Variants in TMTC2 observed in about 807,000 individuals in gnomAD.
TMTC2 encodes transmembrane O-mannosyltransferase targeting cadherins 2, also known as protein O-mannosyl-transferase TMTC2.
Under a neutral mutation model 82.4 loss-of-function variants are expected in TMTC2, and 43 were observed. That is an observed-to-expected ratio of 0.52 (90% CI 0.41 to 0.67). TMTC2 has a LOEUF of 0.67. Among genes scored for constraint, TMTC2 ranks in the 30% least tolerant of loss-of-function variants. The pLI is 0.00. For missense variants in TMTC2, 919 were observed against 1,012.4 expected (o/e 0.91, Z 1.25); for synonymous variants, 408 against 381.9 (o/e 1.07, Z -0.80).
intron 11 of TMTC2, among the ~76,000 whole-genome samples, chr12:83,107,503 A>G (rs1884449285): frequency 6.6e-6 from 1 of 152,152 alleles, no homozygotes; most frequent in Non-Finnish European, 1.5e-5. Context: ...CCCTCATGGG[A>G]GCCCCACCTT....
At chr12:82,709,792 C>G (rs1446532579) in intron 1 of TMTC2, among the ~76,000 whole-genome samples, 1 of 152,122 alleles carries the variant, frequency 6.6e-6, no homozygotes, top group Non-Finnish European at 1.5e-5. Context: ...AAAGTTCAAT[C>G]CTAATGTTAA....
intron 1 of TMTC2, among the ~76,000 whole-genome samples, chr12:82,741,116 T>C (rs1875384642): frequency 6.6e-6 from 1 of 152,238 alleles, no homozygotes; most frequent in South Asian, 2.1e-4. Flanking sequence ...TCCCTGTGAG[T>C]CTGACACTCA....
chr12:82,783,808 A>G (rs926822119), intron 1 of TMTC2, among the ~76,000 whole-genome samples: 9 of 151,980 alleles, frequency 5.9e-5, no homozygotes, highest in Non-Finnish European at 8.8e-5. Context: ...AGCAACTGGG[A>G]AGGGTGGGGA....
chr12:82,757,895 A>C (rs1371285351), intron 1 of TMTC2, among the ~76,000 whole-genome samples: 2 of 152,172 alleles, frequency 1.3e-5, no homozygotes, highest in Non-Finnish European at 2.9e-5. Context: ...GGCAATTATC[A>C]CCATAGATAA....
At chr12:82,911,899 C>T (rs1874686755) in intron 3 of TMTC2, among the ~76,000 whole-genome samples, 1 of 152,136 alleles carries the variant, frequency 6.6e-6, no homozygotes, top group African/African-American at 2.4e-5. Context: ...TGTGAACCAC[C>T]TCGTCCAGCC....
At chr12:82,730,943 T>C (rs1168358398) in intron 1 of TMTC2, among the ~76,000 whole-genome samples, 1 of 152,204 alleles carries the variant, frequency 6.6e-6, no homozygotes, top group Non-Finnish European at 1.5e-5. Context: ...CATGGAAAAC[T>C]ATTGGATTCA....
At chr12:82,769,906 G>A (rs1877194264) in intron 1 of TMTC2, among the ~76,000 whole-genome samples, 1 of 152,140 alleles carries the variant, frequency 6.6e-6, no homozygotes, top group Non-Finnish European at 1.5e-5. Context: ...CACCATACCC[G>A]GCCAAGACAC....
chr12:83,019,681 C>G (rs1262498412), intron 8 of TMTC2, among the ~76,000 whole-genome samples: 1 of 152,160 alleles, frequency 6.6e-6, no homozygotes, highest in African/African-American at 2.4e-5. Context: ...CTACTCCATC[C>G]ACCTCTTTGC....
At position 82,896,266 on chromosome 12, in the gene TMTC2, G is replaced by C. The variant is rs1873676388; in HGVS notation, c.1103G>C (p.Ser368Thr). The change falls in exon 3 of 12, where the codon AGC becomes ACC. Residue 368 changes from serine to threonine, a missense_variant. Physicochemically the swap from Ser to Thr is moderately conservative, Grantham distance 58. Transcript: ENST00000321196. ...TACCAGAACTCAGAGACTAAGTCCA[G>C]CTTTGCATCCAAAGTAGAAAATGGC... ...VEYQNSETKSSFASKVENGIK... is the reference protein window; with the variant it reads ...VEYQNSETKSTFASKVENGIK... 1 of 1,614,104 alleles carries C rather than the reference G, an allele frequency of 6.2e-7. No homozygotes were observed. Among genetic ancestry groups the C allele is most frequent in the African/African-American group, 1.3e-5 (1 of 75,044 alleles).
intron 1 of TMTC2, among the ~76,000 whole-genome samples, chr12:82,699,016 T>A (rs905902967): frequency 6.6e-6 from 1 of 152,296 alleles, no homozygotes; most frequent in South Asian, 2.1e-4. Flanking sequence ...TTCCTTTTAA[T>A]ATTTTTGGAC....
At chr12:82,728,533 C>T (rs1236778363) in intron 1 of TMTC2, among the ~76,000 whole-genome samples, 2 of 152,090 alleles carry the variant, frequency 1.3e-5, no homozygotes, top group Non-Finnish European at 2.9e-5. Flanking sequence ...CCAGCCGGGC[C>T]AACATGGTGA....
intron 1 of TMTC2, among the ~76,000 whole-genome samples, chr12:82,743,740 G>A (rs964102613): frequency 6.6e-6 from 1 of 152,064 alleles, no homozygotes; most frequent in African/African-American, 2.4e-5. Context: ...TGCAAGCCCT[G>A]TTTAACAAAT....
rs1885367494 is a variant in TMTC2 at position 83,134,327 on chromosome 12, A to C, written c.*1938A>C. On this transcript the variant is annotated 3_prime_UTR_variant, in exon 12 of 12. Coordinates refer to ENST00000321196, the MANE Select transcript of TMTC2 (RefSeq NM_152588.3). ...AGGAATTTAATATAAGGCTATAGAG[A>C]TTAATTCAGTGTCTAACATTTGTAT... 6.6e-6 allele frequency: 1 copy of C among 151,912 alleles called. No homozygotes were observed. The highest frequency in any genetic ancestry group is 1.5e-5 in the Non-Finnish European group (1 of 67,936). 9.4% of individuals were successfully genotyped at this position (151,912 alleles called of 1,614,324 possible).
chr12:82,727,552 C>G (rs947075641), intron 1 of TMTC2, among the ~76,000 whole-genome samples: 12 of 151,908 alleles, frequency 7.9e-5, no homozygotes, highest in African/African-American at 2.7e-4. Flanking sequence ...GAAACCCCAT[C>G]TCTAATAAAA....
At chr12:82,696,046 T>C (rs532887994) in intron 1 of TMTC2, among the ~76,000 whole-genome samples, 1 of 152,172 alleles carries the variant, frequency 6.6e-6, no homozygotes, top group Non-Finnish European at 1.5e-5. Context: ...AAGTTCCTCC[T>C]CTCCTGCCCC....
intron 1 of TMTC2, among the ~76,000 whole-genome samples, chr12:82,741,353 C>T (rs1875395947): frequency 1.3e-5 from 2 of 152,108 alleles, no homozygotes; most frequent in African/African-American, 4.8e-5. Context: ...CTCTGTTGCC[C>T]AGGCTGGAGT....
chr12:82,986,770 A>G (rs1879170746), intron 8 of TMTC2, among the ~76,000 whole-genome samples: 3 of 152,196 alleles, frequency 2.0e-5, no homozygotes, highest in Non-Finnish European at 4.4e-5. Flanking sequence ...AATTACTAGT[A>G]TTGTACCACT....
rs575170247 is a variant in TMTC2 at position 82,870,711 on chromosome 12, A to G, written c.654+13131A>G. ...GTCTTAAAGTTTCTTTGACCACAGA[A>G]TATCACTTTAGCTTCTTGCTGTCTT... is the stretch of plus-strand genomic sequence containing the variant. On this transcript the variant is annotated intron_variant, in intron 2 of 11. Transcript: ENST00000321196. 1.4e-3 allele frequency among the ~76,000 whole-genome samples: 217 copies of G among 152,312 alleles called. 2 individuals are homozygous for G. The highest frequency in any genetic ancestry group is 4.7e-3 in the African/African-American group (197 of 41,580).
intron 11 of TMTC2, among the ~76,000 whole-genome samples, chr12:83,089,840 C>A (rs974760609): frequency 9.4e-4 from 132 of 141,148 alleles, no homozygotes; most frequent in African/African-American, 2.4e-3. Flanking sequence ...AAACAAAAAA[C>A]AAAAAACAAA....
Sources: allele counts gnomAD v4.1 joint callset (sites outside exome capture counted in the v4.1 genomes callset), GRCh38; gene constraint gnomAD v4.1.1; transcripts MANE v1.5; gene names NCBI Gene and HGNC (gene_info 2026-07-23, HGNC 2026-07-21).